The following COL14A1 variants were observed in gnomAD, a reference collection of about 807,000 sequenced individuals.
The protein encoded by COL14A1 is collagen type XIV alpha 1 chain, also known as collagen alpha-1(XIV) chain.
COL14A1 carries 136 observed loss-of-function variants against 230.3 expected under a neutral mutation model. The ratio of observed to expected loss-of-function variants is 0.59; its 90% CI spans 0.51 to 0.68. The LOEUF (loss-of-function observed/expected upper bound fraction) is 0.68, where lower values mean the gene tolerates loss of function less well. Ranked by LOEUF, COL14A1 falls within the 30% of genes least tolerant of loss-of-function variation. The probability of loss-of-function intolerance (pLI) is 0.00; values close to 1 mark genes in which losing one functional copy is unlikely to be tolerated. For missense variants in COL14A1, 1,976 were observed against 2,215.8 expected (o/e 0.89, Z 2.17); for synonymous variants, 792 against 784.1 (o/e 1.01, Z -0.17).
intron 4 of COL14A1, among the ~76,000 whole-genome samples, chr8:120,166,485 C>T (rs980305095): frequency 9.2e-5 from 14 of 151,964 alleles, no homozygotes; most frequent in Admixed American, 2.0e-4. Flanking sequence ...TGACTCAAAA[C>T]GGAAGTTTCT....
chr8:120,262,494 CAAAA>C (rs997011398), intron 23 of COL14A1, among the ~76,000 whole-genome samples: 1 of 151,698 alleles, frequency 6.6e-6, no homozygotes, highest in African/African-American at 2.4e-5. Flanking sequence ...AAAACAAAAA[CAAAA>C]AAACCCCACA....
At chr8:120,173,347 C>G (rs911591339) in intron 5 of COL14A1, among the ~76,000 whole-genome samples, 4 of 152,112 alleles carry the variant, frequency 2.6e-5, no homozygotes, top group Non-Finnish European at 4.4e-5. Flanking sequence ...TTATTTCTTA[C>G]TTTCTGGCAC....
In COL14A1 at chr8:120,289,975, T is replaced by C. The variant is rs569106763; in HGVS notation, c.4236+209T>C. Among the ~76,000 whole-genome samples the C allele has an allele frequency of 2.6e-5, 4 of 152,310 alleles. No individual in the cohort carries two copies. In the South Asian group the frequency reaches 8.3e-4, roughly 32 times the overall value. On this transcript the variant is annotated intron_variant, in intron 34 of 47. Transcript: ENST00000297848. Reference sequence around the variant, plus strand: ...GAATTAAGACATGTACATTCAAAGCTTGTGGTAGTATGCTTCCACTGTATT... The same window carrying C: ...GAATTAAGACATGTACATTCAAAGCCTGTGGTAGTATGCTTCCACTGTATT...
intron 18 of COL14A1, among the ~76,000 whole-genome samples, chr8:120,229,265 C>A (rs963062557): frequency 9.1e-6 from 1 of 110,426 alleles, no homozygotes. Context: ...TCCCCCCTCC[C>A]CCCACCCCAC....
At chr8:120,338,175 A>G (rs1308366459) in intron 42 of COL14A1, among the ~76,000 whole-genome samples, 1 of 152,074 alleles carries the variant, frequency 6.6e-6, no homozygotes, top group Admixed American at 6.5e-5. Flanking sequence ...AAATAAAATT[A>G]TTCAAGATAA....
chr8:120,142,524 G>T (rs1814947647), intron 1 of COL14A1, among the ~76,000 whole-genome samples: 1 of 152,190 alleles, frequency 6.6e-6, no homozygotes, highest in Non-Finnish European at 1.5e-5. Context: ...ATGCTATATA[G>T]ATGGTAGTCA....
chr8:120,210,450 T>C (rs1331433186), intron 12 of COL14A1, among the ~76,000 whole-genome samples: 4 of 152,226 alleles, frequency 2.6e-5, no homozygotes, highest in Non-Finnish European at 5.9e-5. Flanking sequence ...TGTTTTGCTT[T>C]ATGTGGTGCA....
intron 5 of COL14A1, among the ~76,000 whole-genome samples, chr8:120,182,382 C>G (rs1000612080): frequency 8.6e-5 from 13 of 152,028 alleles, no homozygotes; most frequent in African/African-American, 2.7e-4. Context: ...TGACTGTTGT[C>G]AAATTAAGCG....
intron 45 of COL14A1, among the ~76,000 whole-genome samples, chr8:120,351,795 AT>A (rs1297696347): frequency 1.5e-5 from 1 of 66,578 alleles, no homozygotes; most frequent in Non-Finnish European, 2.7e-5. Flanking sequence ...TCACAGCCGA[AT>A]TCTACCAGAG....
intron 40 of COL14A1, among the ~76,000 whole-genome samples, chr8:120,321,706 T>C (rs371984919): frequency 6.6e-6 from 1 of 152,040 alleles, no homozygotes; most frequent in Non-Finnish European, 1.5e-5. Flanking sequence ...GTACAAATAG[T>C]AACATCTGCT....
chr8:120,321,310 A>G (rs16893916), intron 40 of COL14A1, among the ~76,000 whole-genome samples: 3,666 of 152,234 alleles, frequency 0.024, 68 homozygotes, highest in Middle Eastern at 0.041. Context: ...GAGAACAGCT[A>G]CTAAAACATA....
chr8:120,248,046 T>G (rs1818817595), intron 21 of COL14A1, among the ~76,000 whole-genome samples: 1 of 152,132 alleles, frequency 6.6e-6, no homozygotes, highest in South Asian at 2.1e-4. Flanking sequence ...AATCTTGACT[T>G]TATAGGAATA....
chr8:120,250,314 A>G (rs923524619), intron 21 of COL14A1, among the ~76,000 whole-genome samples: 9 of 152,226 alleles, frequency 5.9e-5, no homozygotes, highest in South Asian at 2.1e-4. Context: ...TAATTCCTCA[A>G]TTGCCTATTA....
At chr8:120,167,758 C>T (rs2124471) in intron 4 of COL14A1, among the ~76,000 whole-genome samples, 1 of 152,072 alleles carries the variant, frequency 6.6e-6, no homozygotes, top group African/African-American at 2.4e-5. Context: ...CCAAGCTCAT[C>T]GGCTAAGTCC....
chr8:120,289,924 AT>A (rs1820322041), intron 34 of COL14A1, among the ~76,000 whole-genome samples, 158 bp downstream of exon 34: 2 of 152,210 alleles, frequency 1.3e-5, no homozygotes. Context: ...AGATGGATGG[AT>A]AAATAAATAA....
intron 21 of COL14A1, among the ~76,000 whole-genome samples, chr8:120,248,926 T>TC (rs1818847329): frequency 1.7e-5 from 2 of 118,630 alleles, no homozygotes; most frequent in African/African-American, 7.8e-5. Flanking sequence ...TCTTTTTTTT[T>TC]TTTTTTTTTT....
chr8:120,342,494 T>C, intron 44 of COL14A1, 48 bp downstream of exon 44: 1 of 1,568,588 alleles, frequency 6.4e-7, no homozygotes, highest in Non-Finnish European at 8.8e-7. Context: ...CAAACTCTCA[T>C]CCAAAAGAGA....
In COL14A1 at chr8:120,356,015, C is replaced by A. The variant is rs183962842; in HGVS notation, c.5077+10452C>A. ...CAAGTGTTGCGCTCAGTCCTGTACA[C>A]ACTACCTCATTTGGGTAAAGTGGAA... On this transcript the variant is annotated intron_variant, in intron 45 of 47. Transcript: ENST00000297848. 2.6e-5 allele frequency among the ~76,000 whole-genome samples: 4 copies of A among 152,288 alleles called. No homozygotes were observed. In the East Asian group the frequency reaches 7.7e-4, roughly 29 times the overall value.
At chr8:120,333,344 A>C (rs914984613) in intron 42 of COL14A1, among the ~76,000 whole-genome samples, 1 of 152,250 alleles carries the variant, frequency 6.6e-6, no homozygotes, top group Non-Finnish European at 1.5e-5. Flanking sequence ...CTGTTTCTTC[A>C]TCTGTAAAAT....
Sources: gnomAD v4.1 joint callset for allele counts (sites outside exome capture counted in the v4.1 genomes callset) on GRCh38, gnomAD v4.1.1 for gene constraint, MANE v1.5 for transcripts, NCBI Gene and HGNC (gene_info 2026-07-23, HGNC 2026-07-21) for gene names.